Variants in LRRK1 observed in about 807,000 individuals in gnomAD.
LRRK1 encodes the protein leucine-rich repeat serine/threonine-protein kinase 1.
Under a neutral mutation model 209.1 loss-of-function variants are expected in LRRK1, and 113 were observed. The ratio of observed to expected loss-of-function variants is 0.54; its 90% CI spans 0.46 to 0.63. LRRK1 has a LOEUF of 0.63. Among genes scored for constraint, LRRK1 ranks in the 30% least tolerant of loss-of-function variants. The pLI is 0.00. For missense variants in LRRK1, 2,284 were observed against 2,632.2 expected (o/e 0.87, Z 2.89); for synonymous variants, 1,144 against 1,099.7 (o/e 1.04, Z -0.80).
chr15:100,960,285 T>TTC (rs2042850444), intron 2 of LRRK1, among the ~76,000 whole-genome samples: 1 of 151,138 alleles, frequency 6.6e-6, no homozygotes, highest in Non-Finnish European at 1.5e-5. Flanking sequence ...TGCTTTTTTT[T>TTC]TTTTTTTTGC....
intron 6 of LRRK1, among the ~76,000 whole-genome samples, chr15:101,007,762 T>C (rs927562159): frequency 2.0e-5 from 3 of 152,114 alleles, no homozygotes; most frequent in African/African-American, 7.2e-5. Context: ...TGGTCCTAAA[T>C]GGAAAGTGAG....
chr15:101,045,344 T>G (rs1378138657), intron 20 of LRRK1, among the ~76,000 whole-genome samples: 1 of 152,226 alleles, frequency 6.6e-6, no homozygotes, highest in Non-Finnish European at 1.5e-5. Context: ...GTTGCTGGTT[T>G]TCGGGCACCC....
intron 2 of LRRK1, among the ~76,000 whole-genome samples, chr15:100,965,432 T>G (rs1298924341): frequency 6.6e-6 from 1 of 152,230 alleles, no homozygotes; most frequent in Non-Finnish European, 1.5e-5. Flanking sequence ...CAAATGCTTC[T>G]TTATGTAGGA....
At chr15:100,941,410 CTCTGTGTGTG>C (rs1671640420) in intron 2 of LRRK1, among the ~76,000 whole-genome samples, 1 of 14,448 alleles carries the variant, frequency 6.9e-5, no homozygotes, top group Admixed American at 6.5e-4. Context: ...CTGTGTGTGT[CTCTGTGTGTG>C]TGTGTGTCTG....
intron 2 of LRRK1, among the ~76,000 whole-genome samples, chr15:100,960,786 G>A (rs1368764331): frequency 6.6e-6 from 1 of 152,222 alleles, no homozygotes; most frequent in Non-Finnish European, 1.5e-5. Flanking sequence ...ATTTTTGGAA[G>A]AGGAACAAAA....
chr15:100,989,520 G>A, intron 6 of LRRK1, 122 bp downstream of exon 6: 1 of 1,025,996 alleles, frequency 9.7e-7, no homozygotes, highest in Non-Finnish European at 1.4e-6. Flanking sequence ...TGGAGATTGA[G>A]AAGTCCAAGA....
intron 3 of LRRK1, among the ~76,000 whole-genome samples, chr15:100,978,440 T>C (rs2031418098): frequency 6.6e-6 from 1 of 152,146 alleles, no homozygotes; most frequent in Non-Finnish European, 1.5e-5. Context: ...TCCAAGCTCA[T>C]CATAGTCAAG....
intron 23 of LRRK1, 37 bp downstream of exon 23, chr15:101,049,820 C>G (rs1427631325): frequency 6.3e-7 from 1 of 1,590,518 alleles, no homozygotes; most frequent in Admixed American, 1.8e-5. Flanking sequence ...CTCATTCATG[C>G]TAATATTTCT....
chr15:101,014,941 A>G (rs572489656), intron 11 of LRRK1, among the ~76,000 whole-genome samples: 2 of 152,310 alleles, frequency 1.3e-5, no homozygotes, highest in African/African-American at 2.4e-5. Flanking sequence ...CTTCAGCCCA[A>G]TCTGTAATTC....
At chr15:101,061,579 T>A (rs1190053389) in intron 30 of LRRK1, among the ~76,000 whole-genome samples, 1 of 152,162 alleles carries the variant, frequency 6.6e-6, no homozygotes, top group African/African-American at 2.4e-5. Context: ...GCTAGGGACG[T>A]GCCTGTGTTT....
Position 101,068,886 on chromosome 15 carries a change from G to A in LRRK1, c.*38G>A. ...GACTGTCACACATCAGAGCTGGCTG[G>A]CCCGGGGCTGCAGCCTGACCCCTCT... On this transcript the variant is annotated 3_prime_UTR_variant, in exon 34 of 34. Coordinates refer to ENST00000388948, the MANE Select transcript of LRRK1 (RefSeq NM_024652.6). 1 of 1,538,870 alleles carries A rather than the reference G, an allele frequency of 6.5e-7. No individual in the cohort carries two copies. Among genetic ancestry groups the A allele is most frequent in the Non-Finnish European group, 8.8e-7 (1 of 1,138,908 alleles).
At chr15:101,055,931 T>C (rs1192952973) in intron 27 of LRRK1, among the ~76,000 whole-genome samples, 1 of 152,218 alleles carries the variant, frequency 6.6e-6, no homozygotes, top group Non-Finnish European at 1.5e-5. Flanking sequence ...CAGATGGTCA[T>C]TGACTAATTC....
rs1454162257 is a variant in LRRK1, at chr15:101,070,861, A to C, written c.*2013A>C. 1 of 152,158 alleles carries C rather than the reference A, an allele frequency of 6.6e-6. No homozygotes were observed. Among genetic ancestry groups the C allele is most frequent in the African/African-American group, 2.4e-5 (1 of 41,424 alleles). 9.4% of individuals were successfully genotyped at this position (152,158 alleles called of 1,614,324 possible). On this transcript the variant is annotated 3_prime_UTR_variant, in exon 34 of 34. Transcript: ENST00000388948. ...CATGAAATTGAAACTTACGTGGAAA[A>C]TTAGTCCAAAGCCTAAAAGACTAGC...
At chr15:100,935,431 C>A (rs1408897614) in intron 2 of LRRK1, among the ~76,000 whole-genome samples, 1 of 152,124 alleles carries the variant, frequency 6.6e-6, no homozygotes, top group African/African-American at 2.4e-5. Context: ...TTTGACTGAC[C>A]GCAAGATGGC....
intron 6 of LRRK1, chr15:100,989,680 A>T (rs771641688): frequency 1.8e-6 from 1 of 557,358 alleles, no homozygotes; most frequent in Non-Finnish European, 3.2e-6. Flanking sequence ...ACATCAATCC[A>T]TTTATGAGGG....
intron 4 of LRRK1, among the ~76,000 whole-genome samples, chr15:100,985,510 T>C (rs889427507): frequency 6.6e-6 from 1 of 151,888 alleles, no homozygotes. Flanking sequence ...TACACTGAGG[T>C]TGAAGTATTT....
intron 2 of LRRK1, among the ~76,000 whole-genome samples, chr15:100,944,334 A>G (rs541166702): frequency 6.6e-6 from 1 of 152,286 alleles, no homozygotes. Flanking sequence ...ATGCACCAAA[A>G]ACCCAGCTGC....
Position 101,065,579 on chromosome 15 carries a change from T to C in LRRK1, c.5142T>C (p.Leu1714=). ...GGTACAGCAATGGGCCGGGCCTCCT[T>C]GTCATCGACTGTGCCTCCCTGGAGA... is the stretch of plus-strand genomic sequence containing the variant. ...EVWYSNGPGL[L]VIDCASLEIC... is the part of the protein sequence containing the mutation. The change falls in exon 32 of 34, where the codon CTT becomes CTC. Residue 1714 remains leucine, a synonymous_variant. Transcript: ENST00000388948. The C allele has an allele frequency of 6.2e-7, 1 of 1,614,228 alleles. No homozygotes were observed. Among genetic ancestry groups the C allele is most frequent in the South Asian group, 1.1e-5 (1 of 91,084 alleles).
At chr15:100,968,013 T>C (rs2030584174) in intron 2 of LRRK1, among the ~76,000 whole-genome samples, 1 of 152,218 alleles carries the variant, frequency 6.6e-6, no homozygotes, top group Non-Finnish European at 1.5e-5. Context: ...ACCACCAAAC[T>C]GATGTCCTTG....
Sources: gnomAD v4.1 joint callset for allele counts (sites outside exome capture counted in the v4.1 genomes callset) on GRCh38, gnomAD v4.1.1 for gene constraint, MANE v1.5 for transcripts, NCBI Gene and HGNC (gene_info 2026-07-23, HGNC 2026-07-21) for gene names.